Variants in IL1RAPL1 observed in about 807,000 individuals in gnomAD.
IL1RAPL1 encodes interleukin 1 receptor accessory protein like 1, also known as interleukin-1 receptor accessory protein-like 1.
In IL1RAPL1, 3 loss-of-function variants were observed where a neutral mutation model predicts 48.4. The ratio of observed to expected loss-of-function variants is 0.06; its 90% CI spans 0.03 to 0.16. The LOEUF is 0.16. Ranked by LOEUF, IL1RAPL1 falls within the 10% of genes least tolerant of loss-of-function variation. The pLI is 1.00. For missense variants in IL1RAPL1, 349 were observed against 530.6 expected, an observed-to-expected ratio of 0.66 and a Z score of 3.36; for synonymous variants, 185 against 187.7, an observed-to-expected ratio of 0.99 and a Z score of 0.12.
intron 2 of IL1RAPL1, among the ~76,000 whole-genome samples, chrX:29,258,159 A>G (rs1370574040): frequency 1.8e-5 from 2 of 111,271 alleles, no homozygotes; most frequent in Non-Finnish European, 3.8e-5. Flanking sequence ...GTGACAAAAA[A>G]GCTGCATATA....
At chrX:29,592,263 G>T (rs2147056994) in intron 5 of IL1RAPL1, among the ~76,000 whole-genome samples, 1 of 111,624 alleles carries the variant, frequency 9.0e-6, no homozygotes, top group South Asian at 3.8e-4. Context: ...TAGATTAGTT[G>T]TATCATCTGT....
chrX:29,725,490 C>T (rs1316880299), intron 6 of IL1RAPL1, among the ~76,000 whole-genome samples: 1 of 111,405 alleles, frequency 9.0e-6, no homozygotes, highest in Non-Finnish European at 1.9e-5. Flanking sequence ...ACACGATCGG[C>T]CTCCTAACTA....
intron 2 of IL1RAPL1, among the ~76,000 whole-genome samples, chrX:28,832,492 C>A (rs931843584): frequency 9.0e-6 from 1 of 110,681 alleles, no homozygotes; most frequent in Non-Finnish European, 1.9e-5. Context: ...TGTTTCTTTC[C>A]AAAATTAAAC....
At chrX:29,752,435 G>A (rs1928507647) in intron 6 of IL1RAPL1, among the ~76,000 whole-genome samples, 1 of 101,735 alleles carries the variant, frequency 9.8e-6, no homozygotes, top group African/African-American at 3.6e-5. Flanking sequence ...GGCGGAGGTT[G>A]CAGTGAGCCG....
chrX:29,194,532 A>C (rs1930408134), intron 2 of IL1RAPL1, among the ~76,000 whole-genome samples: 1 of 112,227 alleles, frequency 8.9e-6, no homozygotes, highest in Non-Finnish European at 1.9e-5. Context: ...TGGGGAGAAA[A>C]AGAAAACAAA....
intron 1 of IL1RAPL1, among the ~76,000 whole-genome samples, chrX:28,665,107 A>G (rs1934861738): frequency 1.8e-5 from 2 of 111,815 alleles, no homozygotes; most frequent in African/African-American, 6.5e-5. Context: ...AAGCACAGGT[A>G]TCATTTTCTC....
chrX:29,899,283 C>T (rs1601872801), intron 6 of IL1RAPL1, among the ~76,000 whole-genome samples: 1 of 111,088 alleles, frequency 9.0e-6, no homozygotes, highest in Non-Finnish European at 1.9e-5. Flanking sequence ...AGAGATCACA[C>T]GTTTAGAGAC....
At chrX:29,410,338 G>A (rs1432875182) in intron 5 of IL1RAPL1, among the ~76,000 whole-genome samples, 1 of 109,042 alleles carries the variant, frequency 9.2e-6, no homozygotes, top group East Asian at 2.9e-4. Context: ...GTGCGTGCCT[G>A]TAGTCCCAGC....
intron 5 of IL1RAPL1, among the ~76,000 whole-genome samples, chrX:29,651,115 A>G (rs1415640890): frequency 9.2e-6 from 1 of 108,748 alleles, no homozygotes; most frequent in African/African-American, 3.3e-5. Flanking sequence ...GTCAAAAAAA[A>G]AAAAAGATAA....
At chrX:29,638,373 C>T (rs139855646) in intron 5 of IL1RAPL1, among the ~76,000 whole-genome samples, 12,444 of 108,171 alleles carry the variant, frequency 0.12, 579 homozygotes, top group Middle Eastern at 0.23. Context: ...CGGGTTCAAG[C>T]GATTCTCCTG....
At chrX:29,819,216 T>C (rs1930557454) in intron 6 of IL1RAPL1, among the ~76,000 whole-genome samples, 1 of 111,947 alleles carries the variant, frequency 8.9e-6, no homozygotes, top group South Asian at 3.7e-4. Flanking sequence ...AAATTTAATA[T>C]AACATTTGAA....
At chrX:29,006,446 A>AG (rs1464638477) in intron 2 of IL1RAPL1, among the ~76,000 whole-genome samples, 8 of 107,356 alleles carry the variant, frequency 7.5e-5, no homozygotes, top group African/African-American at 1.0e-4. Context: ...CCTGTAAGAG[A>AG]GAGGTTGCAG....
At chrX:29,633,488 CACACACACACACACAT>C (rs759413426) in intron 5 of IL1RAPL1, among the ~76,000 whole-genome samples, 48 of 109,700 alleles carry the variant, frequency 4.4e-4, no homozygotes, top group African/African-American at 1.4e-3. Context: ...CACACACACA[CACACACACACACACAT>C]ATATATGATA....
In IL1RAPL1 at chrX:29,007,133, C is replaced by A. The variant is rs776403793; in HGVS notation, c.82+217708C>A. Among the ~76,000 whole-genome samples the A allele has an allele frequency of 5.4e-5, 6 of 111,466 alleles. No homozygotes were observed. The South Asian group carries it at 1.8e-3, about 34-fold the overall frequency. On this transcript the variant is annotated intron_variant, in intron 2 of 10. Coordinates refer to ENST00000378993, the MANE Select transcript of IL1RAPL1 (RefSeq NM_014271.4). ...TCTTTAATGCAGTCAGGATTACAGGCAAATTTTCTAGTAGAGTAAAAATAT... is the reference window on the plus strand; with the variant it reads ...TCTTTAATGCAGTCAGGATTACAGGAAAATTTTCTAGTAGAGTAAAAATAT...
chrX:29,368,369 G>A (rs1200077302), intron 3 of IL1RAPL1, among the ~76,000 whole-genome samples: 3 of 111,630 alleles, frequency 2.7e-5, no homozygotes, highest in African/African-American at 9.8e-5. Flanking sequence ...GTGTGTATGT[G>A]TTTCTGTTTT....
chrX:28,725,021 G>A (rs1053631044), intron 1 of IL1RAPL1, among the ~76,000 whole-genome samples: 1 of 102,397 alleles, frequency 9.8e-6, no homozygotes, highest in Non-Finnish European at 2.0e-5. Context: ...ATGCAATCTC[G>A]GCTCACTGCA....
intron 2 of IL1RAPL1, among the ~76,000 whole-genome samples, chrX:29,195,272 C>T (rs1930421634): frequency 9.0e-6 from 1 of 111,504 alleles, no homozygotes; most frequent in Non-Finnish European, 1.9e-5. Flanking sequence ...AGTAGAAATT[C>T]TGTGTGTGCA....
intron 1 of IL1RAPL1, among the ~76,000 whole-genome samples, chrX:28,732,279 A>G (rs2079958240): frequency 1.8e-5 from 2 of 112,164 alleles, no homozygotes; most frequent in South Asian, 7.4e-4. Context: ...ACATTTTTTT[A>G]GCAGAGTTGT....
chrX:29,450,212 T>A (rs191595488), intron 5 of IL1RAPL1, among the ~76,000 whole-genome samples: 1,489 of 111,825 alleles, frequency 0.013, 5 homozygotes, highest in Non-Finnish European at 0.02. Context: ...GTAAAAAAAA[T>A]TATAATTTAT....
Sources: allele counts gnomAD v4.1 joint callset (sites outside exome capture counted in the v4.1 genomes callset), GRCh38; gene constraint gnomAD v4.1.1; transcripts MANE v1.5; gene names NCBI Gene and HGNC (gene_info 2026-07-23, HGNC 2026-07-21).